The following PPARGC1A variants were observed in gnomAD, a reference collection of about 807,000 sequenced individuals.
PPARGC1A encodes peroxisome proliferator-activated receptor gamma coactivator 1-alpha.
Under a neutral mutation model 88.7 loss-of-function variants are expected in PPARGC1A, and 25 were observed. The ratio of observed to expected loss-of-function variants is 0.28; its 90% CI spans 0.21 to 0.39. The LOEUF (loss-of-function observed/expected upper bound fraction) is 0.39, where lower values mean the gene tolerates loss of function less well. PPARGC1A is among the 10% of genes least tolerant of loss of function. PPARGC1A has a pLI of 1.00. For missense variants in PPARGC1A, 880 were observed against 968.7 expected (o/e 0.91, Z 1.22); for synonymous variants, 363 against 355.6 (o/e 1.02, Z -0.24).
chr4:24,313,333 A>C, the PPARGC1A span, among the ~76,000 whole-genome samples: 1 of 152,220 alleles, frequency 6.6e-6, no homozygotes, highest in Non-Finnish European at 1.5e-5. Flanking sequence ...AGATTGAGAC[A>C]TCAAAAGGAA....
chr4:23,822,616 T>C (rs998773161), intron 7 of PPARGC1A, among the ~76,000 whole-genome samples: 1 of 152,108 alleles, frequency 6.6e-6, no homozygotes, highest in Non-Finnish European at 1.5e-5. Context: ...CAAACACTAC[T>C]AAGCGACCAA....
the PPARGC1A span, among the ~76,000 whole-genome samples, chr4:24,164,838 T>C: frequency 6.6e-6 from 1 of 152,208 alleles, no homozygotes; most frequent in Non-Finnish European, 1.5e-5. Context: ...CTAGAATTTC[T>C]ATAGGGGGAA....
chr4:23,962,258 A>G, the PPARGC1A span, among the ~76,000 whole-genome samples: 1 of 152,116 alleles, frequency 6.6e-6, no homozygotes, highest in Admixed American at 6.6e-5. Flanking sequence ...ATTATGGGGG[A>G]AAGAAAGTAA....
At chr4:24,337,971 C>G in the PPARGC1A span, among the ~76,000 whole-genome samples, 1 of 152,162 alleles carries the variant, frequency 6.6e-6, no homozygotes, top group Non-Finnish European at 1.5e-5. Flanking sequence ...GGGTGGCTTT[C>G]CTACCTTCTG....
At chr4:24,235,443 T>C in the PPARGC1A span, among the ~76,000 whole-genome samples, 4 of 152,208 alleles carry the variant, frequency 2.6e-5, no homozygotes, top group African/African-American at 7.2e-5. Context: ...AATTGTCTGA[T>C]GCCCTTGGAA....
the PPARGC1A span, among the ~76,000 whole-genome samples, chr4:24,132,613 G>A: frequency 2.0e-5 from 3 of 152,300 alleles, no homozygotes; most frequent in African/African-American, 4.8e-5. Context: ...AATGCAAAAT[G>A]TTTTTCCTCT....
the PPARGC1A span, among the ~76,000 whole-genome samples, chr4:24,117,443 G>A: frequency 6.6e-6 from 1 of 151,958 alleles, no homozygotes; most frequent in Non-Finnish European, 1.5e-5. Context: ...GCAAAGGAGA[G>A]CAACAGACAA....
At chr4:24,250,142 G>A in the PPARGC1A span, among the ~76,000 whole-genome samples, 2 of 152,164 alleles carry the variant, frequency 1.3e-5, no homozygotes, top group Non-Finnish European at 2.9e-5. Context: ...TGTAACATGG[G>A]CAGAACACTG....
the PPARGC1A span, among the ~76,000 whole-genome samples, chr4:24,243,297 G>T: frequency 6.6e-6 from 1 of 152,078 alleles, no homozygotes; most frequent in Admixed American, 6.6e-5. Context: ...GCACTTATTG[G>T]AAGAATATTA....
At chr4:24,068,215 A>G in the PPARGC1A span, among the ~76,000 whole-genome samples, 1 of 23,834 alleles carries the variant, frequency 4.2e-5, no homozygotes, top group Non-Finnish European at 1.2e-4. Context: ...CACGGAAGGA[A>G]TGATGATGGC....
intron 12 of PPARGC1A, among the ~76,000 whole-genome samples, chr4:23,800,813 T>G (rs190260577): frequency 6.6e-6 from 1 of 151,840 alleles, no homozygotes; most frequent in Admixed American, 6.6e-5. Context: ...ATTAATATTA[T>G]GTATGCTTCA....
chr4:24,066,183 G>C, the PPARGC1A span, among the ~76,000 whole-genome samples: 1 of 152,034 alleles, frequency 6.6e-6, no homozygotes, highest in Admixed American at 6.6e-5. Context: ...GAACGAGGGA[G>C]GACGACTGTC....
chr4:24,107,910 A>G, the PPARGC1A span, among the ~76,000 whole-genome samples: 1 of 152,210 alleles, frequency 6.6e-6, no homozygotes, highest in Non-Finnish European at 1.5e-5. Flanking sequence ...AGAGGATGAA[A>G]AATTTATTAG....
chr4:23,937,249 G>T, the PPARGC1A span, among the ~76,000 whole-genome samples: 1 of 152,002 alleles, frequency 6.6e-6, no homozygotes, highest in African/African-American at 2.4e-5. Context: ...AGTGAAATCT[G>T]CCTTTCGTTT....
the PPARGC1A span, among the ~76,000 whole-genome samples, chr4:23,937,955 T>C: frequency 8.5e-5 from 13 of 152,154 alleles, no homozygotes; most frequent in Non-Finnish European, 5.9e-5. Flanking sequence ...TTCATCTCAA[T>C]AGGACTTTGC....
At chr4:24,033,350 T>G in the PPARGC1A span, among the ~76,000 whole-genome samples, 23,121 of 152,098 alleles carry the variant, frequency 0.15, 2,015 homozygotes, top group South Asian at 0.21. Flanking sequence ...ATTTAGCACT[T>G]ACTGTTTTTA....
the PPARGC1A span, among the ~76,000 whole-genome samples, chr4:24,160,613 T>C: frequency 6.6e-6 from 1 of 152,260 alleles, no homozygotes; most frequent in African/African-American, 2.4e-5. Context: ...CTCCATCATC[T>C]CAACTCAGCT....
At chr4:24,434,963 T>C in the PPARGC1A span, among the ~76,000 whole-genome samples, 2 of 152,226 alleles carry the variant, frequency 1.3e-5, no homozygotes, top group Non-Finnish European at 2.9e-5. Flanking sequence ...GACCTTTTCT[T>C]GCTGAATACT....
At chr4:23,831,983 C>T (rs1039957897) in intron 2 of PPARGC1A, among the ~76,000 whole-genome samples, 22 of 152,194 alleles carry the variant, frequency 1.4e-4, no homozygotes, top group African/African-American at 5.3e-4. Context: ...CCTAATTTAT[C>T]GATTTGTTAT....
Sources: allele counts gnomAD v4.1 joint callset (sites outside exome capture counted in the v4.1 genomes callset), GRCh38; gene constraint gnomAD v4.1.1; transcripts MANE v1.5; gene names NCBI Gene and HGNC (gene_info 2026-07-23, HGNC 2026-07-21).